OVCH1: variants seen among roughly 807,000 people sequenced by gnomAD.
OVCH1 encodes the protein ovochymase-1.
OVCH1 carries 139 observed loss-of-function variants against 138.4 expected under a neutral mutation model. The observed-to-expected ratio is 1.00, with a 90% CI of 0.87 to 1.16. The LOEUF (loss-of-function observed/expected upper bound fraction) is 1.16. OVCH1 is among the 50% of genes most tolerant of loss of function. The probability of loss-of-function intolerance (pLI) is 0.00; values close to 1 mark genes in which losing one functional copy is unlikely to be tolerated. For synonymous variants in OVCH1, 453 were observed against 467.8 expected, an observed-to-expected ratio of 0.97 and a Z score of 0.41; for missense variants, 1,367 against 1,357.9, an observed-to-expected ratio of 1.01 and a Z score of -0.11.
downstream of OVCH1, among the ~76,000 whole-genome samples, chr12:29,423,601 A>T (rs558729321): frequency 7.9e-5 from 12 of 152,330 alleles, no homozygotes; most frequent in East Asian, 2.1e-3. Context: ...AACTAGACAG[A>T]GACACAAAAG....
the OVCH1 span, among the ~76,000 whole-genome samples, chr12:29,404,368 G>A: frequency 6.6e-6 from 1 of 152,172 alleles, no homozygotes; most frequent in Non-Finnish European, 1.5e-5. Flanking sequence ...TCTCCCAAAT[G>A]CCTGATTCCT....
At chr12:29,490,216 C>T (rs964732357) in intron 5 of OVCH1, among the ~76,000 whole-genome samples, 6 of 151,996 alleles carry the variant, frequency 3.9e-5, no homozygotes, top group African/African-American at 1.2e-4. Context: ...GGCATGCCAC[C>T]GTGATTTGCT....
At chr12:29,413,119 C>G (rs1042582922) in intron 3 of OVCH1, among the ~76,000 whole-genome samples, 2 of 151,930 alleles carry the variant, frequency 1.3e-5, no homozygotes, top group Non-Finnish European at 2.9e-5. Flanking sequence ...GCCTCAGCCT[C>G]CCAAAGTGTT....
intron 26 of OVCH1, among the ~76,000 whole-genome samples, chr12:29,436,655 T>G (rs1402617151): frequency 2.6e-5 from 4 of 152,138 alleles, no homozygotes; most frequent in African/African-American, 9.7e-5. Flanking sequence ...GTTTCTTCCT[T>G]CCGGTGGGTT....
intron 26 of OVCH1, among the ~76,000 whole-genome samples, chr12:29,436,923 C>T (rs146330925): frequency 0.022 from 3,313 of 152,276 alleles, 105 homozygotes; most frequent in African/African-American, 0.074. Flanking sequence ...GGGACCCAAG[C>T]GGGTTGCTGC....
intron 3 of OVCH1, 145 bp from the exon 4 acceptor site, chr12:29,495,602 C>G: frequency 1.4e-6 from 1 of 702,250 alleles, no homozygotes; most frequent in Non-Finnish European, 2.3e-6. Context: ...TTGAGTATTA[C>G]CAATGGTCAT....
At chr12:29,408,569 GT>G (rs1170780385), downstream of OVCH1, among the ~76,000 whole-genome samples, 1 of 126,600 alleles carries the variant, frequency 7.9e-6, no homozygotes, top group Non-Finnish European at 1.8e-5. Flanking sequence ...AGATAATCAT[GT>G]GGTTTTTGTC....
chr12:29,466,114 G>A (rs1166090408), intron 16 of OVCH1, among the ~76,000 whole-genome samples: 1 of 120,958 alleles, frequency 8.3e-6, no homozygotes, highest in Non-Finnish European at 1.7e-5. Flanking sequence ...GGGGGAGGGG[G>A]GAGGGATAGC....
chr12:29,422,344 A>C (rs1401155891), intron 3 of OVCH1, among the ~76,000 whole-genome samples: 1 of 152,182 alleles, frequency 6.6e-6, no homozygotes, highest in East Asian at 1.9e-4. Flanking sequence ...TCTCACCTAC[A>C]GAATGATGAG....
intron 25 of OVCH1, among the ~76,000 whole-genome samples, chr12:29,441,016 G>A (rs550050174): frequency 6.6e-6 from 1 of 152,256 alleles, no homozygotes; most frequent in East Asian, 1.9e-4. Context: ...TAGTGTGCAT[G>A]GTGGTGGGGT....
chr12:29,454,138 GTACTTTGCTCC>G (rs1463618131), intron 21 of OVCH1, among the ~76,000 whole-genome samples: 1 of 149,972 alleles, frequency 6.7e-6, no homozygotes, highest in Non-Finnish European at 1.5e-5. Context: ...TAGATGATAT[GTACTTTGCTCC>G]TAAGACCATC....
In OVCH1 at chr12:29,485,958, TAAAATAAAATA is replaced by T. The variant is rs1313119928; in HGVS notation, c.995+277_995+287del. 8.4e-3 allele frequency among the ~76,000 whole-genome samples: 866 copies of T among 102,784 alleles called. 6 individuals carry two copies. Among genetic ancestry groups the T allele is most frequent in the East Asian group, 0.035 (104 of 2,972 alleles). 67.4% of individuals were successfully genotyped at this position (102,784 alleles called of 152,430 possible). On this transcript the variant is annotated intron_variant, in intron 8 of 27. Coordinates refer to ENST00000318184, the Ensembl canonical transcript of OVCH1. ...AGACTCCATCTCAAAATAAATAAAA[TAAAATAAAATA>T]AAATAAATAAATAAATAAATAAATA...
At chr12:29,427,550 C>T, downstream of OVCH1, 1 of 1,551,064 alleles carries the variant, frequency 6.4e-7, no homozygotes, top group Non-Finnish European at 8.7e-7. Context: ...CATGTGAGGA[C>T]CCAGTGAGAA....
intron 4 of OVCH1, among the ~76,000 whole-genome samples, chr12:29,492,967 G>A (rs138335778): frequency 6.3e-4 from 96 of 152,278 alleles, no homozygotes; most frequent in African/African-American, 1.8e-3. Flanking sequence ...AGAAAGATGG[G>A]AATTGCGAAG....
chr12:29,455,540 A>G (rs35198374), intron 19 of OVCH1, 135 bp from the exon 20 acceptor site: 54,552 of 1,030,608 alleles, frequency 0.053, 1,607 homozygotes, highest in East Asian at 0.06. Context: ...GTCAATTTCC[A>G]TCTTTACATA....
chr12:29,444,996 G>A (rs535171538), intron 23 of OVCH1, among the ~76,000 whole-genome samples: 1 of 152,070 alleles, frequency 6.6e-6, no homozygotes, highest in East Asian at 1.9e-4. Context: ...CATTCTTTGT[G>A]GTATAAAATT....
intron 21 of OVCH1, among the ~76,000 whole-genome samples, chr12:29,452,392 A>G (rs1161652999): frequency 6.6e-6 from 1 of 152,138 alleles, no homozygotes; most frequent in East Asian, 1.9e-4. Context: ...ATTCTATTCT[A>G]TTGTTTGGTT....
chr12:29,488,778 T>C (rs1943191946), intron 6 of OVCH1, among the ~76,000 whole-genome samples: 1 of 152,150 alleles, frequency 6.6e-6, no homozygotes, highest in Non-Finnish European at 1.5e-5. Flanking sequence ...CAGATTAAAC[T>C]CTTCTCAAAA....
intron 12 of OVCH1, among the ~76,000 whole-genome samples, 198 bp from the exon 13 acceptor site, chr12:29,476,497 C>T (rs151103095): frequency 1.3e-5 from 2 of 152,038 alleles, no homozygotes; most frequent in East Asian, 1.9e-4. Context: ...TTTGACCCAG[C>T]GAATCTAATT....
Sources: allele counts gnomAD v4.1 joint callset (sites outside exome capture counted in the v4.1 genomes callset), GRCh38; gene constraint gnomAD v4.1.1; transcripts MANE v1.5; gene names NCBI Gene and HGNC (gene_info 2026-07-23, HGNC 2026-07-21).